Variants in FERMT1 observed in about 807,000 individuals in gnomAD.
The protein encoded by FERMT1 is FERM domain containing kindlin 1.
Under a neutral mutation model 85.3 loss-of-function variants are expected in FERMT1, and 60 were observed. The observed-to-expected ratio is 0.70, with a 90% CI of 0.57 to 0.87. FERMT1 has a LOEUF of 0.87. Ranked by LOEUF, FERMT1 falls within the 40% of genes least tolerant of loss-of-function variation. The probability of loss-of-function intolerance (pLI) is 0.00; values close to 1 mark genes in which losing one functional copy is unlikely to be tolerated. For missense variants in FERMT1, 701 were observed against 818.9 expected (o/e 0.86, Z 1.76); for synonymous variants, 275 against 301.1 (o/e 0.91, Z 0.90).
At chr20:6,097,178 A>G in intron 7 of FERMT1, 145 bp from the exon 8 acceptor site, 2 of 859,940 alleles carry the variant, frequency 2.3e-6, no homozygotes, top group Non-Finnish European at 3.8e-6. Context: ...CCGTGTGGGG[A>G]AAATGACATT....
At chr20:6,106,273 G>C (rs1269757379) in intron 6 of FERMT1, among the ~76,000 whole-genome samples, 3 of 152,132 alleles carry the variant, frequency 2.0e-5, no homozygotes, top group Non-Finnish European at 4.4e-5. Context: ...CCTCTCCTTA[G>C]AAATGACAAG....
intron 14 of FERMT1, 143 bp from the exon 15 acceptor site, chr20:6,077,489 C>T: frequency 1.3e-6 from 1 of 781,060 alleles, no homozygotes; most frequent in Non-Finnish European, 2.1e-6. Context: ...AGAAAACCAT[C>T]ACTTCCATTA....
intron 1 of FERMT1, among the ~76,000 whole-genome samples, chr20:6,121,845 G>A (rs548709236): frequency 2.0e-5 from 3 of 152,274 alleles, no homozygotes; most frequent in African/African-American, 4.8e-5. Flanking sequence ...CTCAAACTAC[G>A]TGAACTAAAT....
At chr20:6,094,498 G>T (rs1461721971) in intron 9 of FERMT1, among the ~76,000 whole-genome samples, 2 of 152,150 alleles carry the variant, frequency 1.3e-5, no homozygotes, top group East Asian at 3.8e-4. Context: ...CCTTCAAATG[G>T]TATCAGCGTA....
At chr20:6,087,645 C>T (rs777643814) in intron 11 of FERMT1, 132 bp downstream of exon 11, 19 of 720,680 alleles carry the variant, frequency 2.6e-5, no homozygotes, top group Non-Finnish European at 4.6e-5. Flanking sequence ...GATTTTGTTA[C>T]ACTGTGATTG....
At chr20:6,110,618 G>T (rs1982921327) in intron 4 of FERMT1, 107 bp from the exon 5 acceptor site, 1 of 936,410 alleles carries the variant, frequency 1.1e-6, no homozygotes, top group African/African-American at 1.6e-5. Flanking sequence ...CTTTAAATTT[G>T]GCACCATTTA....
rs189330706 is a variant in FERMT1, at chr20:6,087,908, A to G, written c.1265-25T>C. On this transcript the variant is annotated intron_variant, in intron 10 of 14. Coordinates refer to ENST00000217289, the MANE Select transcript of FERMT1 (RefSeq NM_017671.5). Reference sequence around the variant, plus strand: ...CCTGAAGGACAAAGATCAGAGACAAAACTGAGTTCTGAGGCATCTGTTAGA... The same window carrying G: ...CCTGAAGGACAAAGATCAGAGACAAGACTGAGTTCTGAGGCATCTGTTAGA... 5.1e-3 allele frequency: 6,757 copies of G among 1,316,206 alleles called. 46 individuals carry two copies. The highest frequency in any genetic ancestry group is 0.022 in the Admixed American group (1,295 of 59,654). The allele number at this position is 1,316,206 out of a possible 1,614,324, so 81.5% of individuals were successfully genotyped here.
At chr20:6,102,452 G>A (rs1287467233) in intron 6 of FERMT1, among the ~76,000 whole-genome samples, 1 of 151,916 alleles carries the variant, frequency 6.6e-6, no homozygotes, top group East Asian at 1.9e-4. Context: ...TGAGGCAGGA[G>A]GATCTCTTGA....
chr20:6,105,244 G>C (rs76608961), intron 6 of FERMT1, among the ~76,000 whole-genome samples: 7 of 152,220 alleles, frequency 4.6e-5, no homozygotes, highest in Non-Finnish European at 1.0e-4. Context: ...ATGTGACCGA[G>C]AGTAGAGAAA....
At chr20:6,085,782 C>A (rs113265330) in intron 11 of FERMT1, among the ~76,000 whole-genome samples, 4 of 150,782 alleles carry the variant, frequency 2.7e-5, no homozygotes, top group Non-Finnish European at 5.9e-5. Context: ...TCAGGAGATG[C>A]AGGTTGCAGT....
At chr20:6,084,865 G>T (rs1982117193) in intron 12 of FERMT1, among the ~76,000 whole-genome samples, 1 of 151,932 alleles carries the variant, frequency 6.6e-6, no homozygotes, top group Non-Finnish European at 1.5e-5. Flanking sequence ...GACTGATTTT[G>T]TATTTTTAGT....
intron 13 of FERMT1, 124 bp from the exon 14 acceptor site, chr20:6,079,701 A>T: frequency 1.0e-6 from 1 of 979,262 alleles, no homozygotes; most frequent in Non-Finnish European, 1.5e-6. Flanking sequence ...ATGGACAATG[A>T]AGAATTAACT....
chr20:6,086,625 C>T (rs549126104), intron 11 of FERMT1, among the ~76,000 whole-genome samples: 3 of 152,244 alleles, frequency 2.0e-5, no homozygotes, highest in Admixed American at 1.3e-4. Context: ...GGGGAGGGAC[C>T]TGGTGGGAAG....
chr20:6,107,197 A>G (rs6117081), intron 6 of FERMT1, among the ~76,000 whole-genome samples: 5 of 107,344 alleles, frequency 4.7e-5, no homozygotes, highest in African/African-American at 1.8e-4. Context: ...CTCTGTCTCA[A>G]CCAAAAAAAA....
rs1021794768 is a variant in FERMT1 at position 6,116,191 on chromosome 20, A to G, written c.152-147T>C. On this transcript the variant is annotated intron_variant, in intron 2 of 14. Transcript: ENST00000217289. ...CATGGCCTTTTACAATTCAAGGCTT[A>G]ACAACTTTTGGCTTCTTTCCAAAGT... 74 of 687,546 alleles carry G rather than the reference A, an allele frequency of 1.1e-4. No individual in the cohort carries two copies. In the African/African-American group the frequency reaches 1.1e-3, roughly 10 times the overall value. 42.6% of individuals were successfully genotyped at this position (687,546 alleles called of 1,614,324 possible).
rs543424382 is a variant in FERMT1, at chr20:6,100,407, A to G, written c.850-2776T>C. Among the ~76,000 whole-genome samples, 5 of 152,302 alleles carry G rather than the reference A, an allele frequency of 3.3e-5. No homozygotes were observed. In the South Asian group the frequency reaches 1.0e-3, roughly 32 times the overall value. ...GTTTCCAGAATAGGCAAATCCACAG[A>G]GACAGAAAACAGACTGATGATTACT... On this transcript the variant is annotated intron_variant, in intron 6 of 14. Transcript: ENST00000217289.
intron 3 of FERMT1, 152 bp from the exon 4 acceptor site, chr20:6,112,775 G>C: frequency 1.8e-6 from 1 of 561,482 alleles, no homozygotes; most frequent in Non-Finnish European, 3.0e-6. Context: ...AAACAGAAGG[G>C]GAAAGGGGAA....
rs2232069 is a variant in FERMT1, at chr20:6,094,441, A to G, written c.1139+498T>C. ...ATAAACTAAGGTGACTACTCTCTGT[A>G]AGCCCAGGATCAAAGTTCTAGAGAG... On this transcript the variant is annotated intron_variant, in intron 9 of 14. Coordinates refer to ENST00000217289, the MANE Select transcript of FERMT1 (RefSeq NM_017671.5). Among the ~76,000 whole-genome samples, 18,226 of 152,252 alleles carry G rather than the reference A, an allele frequency of 0.12. 1,328 individuals carry two copies. The highest frequency in any genetic ancestry group is 0.19 in the African/African-American group (8,012 of 41,532).
Position 6,088,964 on chromosome 20 carries a change from C to A in FERMT1, c.1264+1G>T. 1 of 1,610,490 alleles carries A rather than the reference C, an allele frequency of 6.2e-7. No homozygotes were observed. Among genetic ancestry groups the A allele is most frequent in the Non-Finnish European group, 8.5e-7 (1 of 1,177,444 alleles). ...CACAGCAAGATATAGGGTACTCTTA[C>A]CTCTAAGATTTAGTTTTTCTAGTGG... On this transcript the variant is annotated splice_donor_variant, in intron 10 of 14. Transcript: ENST00000217289. LOFTEE classifies it high-confidence loss of function.
Sources: gnomAD v4.1 joint callset for allele counts (sites outside exome capture counted in the v4.1 genomes callset) on GRCh38, gnomAD v4.1.1 for gene constraint, MANE v1.5 for transcripts, NCBI Gene and HGNC (gene_info 2026-07-23, HGNC 2026-07-21) for gene names.